INSIG1: variants seen among roughly 807,000 people sequenced by gnomAD.
INSIG1 encodes insulin-induced gene 1 protein.
INSIG1 carries 14 observed loss-of-function variants against 26.5 expected under a neutral mutation model. The ratio of observed to expected loss-of-function variants is 0.53; its 90% CI spans 0.35 to 0.83. The LOEUF (loss-of-function observed/expected upper bound fraction) is 0.83, where lower values mean the gene tolerates loss of function less well. Ranked by LOEUF, INSIG1 falls within the 40% of genes least tolerant of loss-of-function variation. The pLI is 0.01. For synonymous variants in INSIG1, 147 were observed against 153.3 expected (o/e 0.96, Z 0.30); for missense variants, 272 against 368.9 (o/e 0.74, Z 2.15).
At chr7:155,306,709 G>A (rs1183466607) in intron 5 of INSIG1, among the ~76,000 whole-genome samples, 3 of 152,234 alleles carry the variant, frequency 2.0e-5, no homozygotes. Context: ...AGGGGAAATT[G>A]CAGCTTAGGA....
chr7:155,308,087 G>C (rs572434009), intron 5 of INSIG1, among the ~76,000 whole-genome samples, 154 bp from the exon 6 acceptor site: 1 of 152,272 alleles, frequency 6.6e-6, no homozygotes, highest in Admixed American at 6.5e-5. Context: ...TCGGTCTCCA[G>C]TTCTCTGCAC....
At chr7:155,298,829 G>A in intron 2 of INSIG1, 132 bp downstream of exon 2, 1 of 977,856 alleles carries the variant, frequency 1.0e-6, no homozygotes, top group Non-Finnish European at 1.5e-6. Context: ...CTCCAGTCTT[G>A]GGATTTAGAG....
chr7:155,297,924 G>T lies in INSIG1; in HGVS notation c.-63G>T, dbSNP rs1229479156. ...TCCTCCTTTCCCCCGCCCCGCCTCC[G>T]TTCGGAGAGCCGGCGGGCGGGCGCC... On this transcript the variant is annotated 5_prime_UTR_variant, in exon 1 of 6. Coordinates refer to ENST00000340368, the MANE Select transcript of INSIG1 (RefSeq NM_005542.6). 1 of 174,452 alleles carries T rather than the reference G, an allele frequency of 5.7e-6. No individual in the cohort carries two copies. Among genetic ancestry groups the T allele is most frequent in the African/African-American group, 2.4e-5 (1 of 42,304 alleles). 10.8% of individuals were successfully genotyped at this position (174,452 alleles called of 1,614,324 possible). A position where few individuals can be genotyped will look rare whatever the true frequency, so the allele number is the denominator to read the frequency against.
At chr7:155,301,012 G>T (rs755110585) in intron 2 of INSIG1, among the ~76,000 whole-genome samples, 1 of 152,180 alleles carries the variant, frequency 6.6e-6, no homozygotes, top group Non-Finnish European at 1.5e-5. Context: ...TAGAACCCCC[G>T]AAAATCAACT....
At position 155,309,339 on chromosome 7, in the gene INSIG1, A is replaced by G. The variant is rs994655777; in HGVS notation, c.*1069A>G. On this transcript the variant is annotated 3_prime_UTR_variant, in exon 6 of 6. Coordinates refer to ENST00000340368, the MANE Select transcript of INSIG1 (RefSeq NM_005542.6). ...CCAATCTGAGCCTTGTATCTCTTAA[A>G]TATTTATTTTTTTTAACGTGTGAGA... The G allele has an allele frequency of 1.3e-5, 2 of 152,596 alleles. No homozygotes were observed. Among genetic ancestry groups the G allele is most frequent in the Non-Finnish European group, 1.5e-5 (1 of 68,034 alleles). The allele number at this position is 152,596 out of a possible 1,614,324, so 9.5% of individuals were successfully genotyped here.
In INSIG1 at chr7:155,298,380, C is replaced by G. The variant is rs764867200; in HGVS notation, c.95C>G (p.Ala32Gly). 188 of 1,535,726 alleles carry G rather than the reference C, an allele frequency of 1.2e-4. No homozygotes were observed. The highest frequency in any genetic ancestry group is 1.5e-4 in the Non-Finnish European group (175 of 1,145,812). The change falls in exon 2 of 6, where the codon GCC becomes GGC. Residue 32 changes from alanine (A) to glycine (G), a missense_variant. This residue lies in a region of INSIG1 where 161 missense variants were observed against 179.2 expected (regional missense o/e 0.90). Coordinates refer to ENST00000340368, the MANE Select transcript of INSIG1 (RefSeq NM_005542.6). ...CGAGCCAGCGCCGCGGGGCTGGCGG[C>G]CAAGGTTGGGGAGATGATCAACGTT... ...PPRASAAGLA[A>G]KVGEMINVSV...
chr7:155,300,054 T>C lies in INSIG1; in HGVS notation c.412+1357T>C, dbSNP rs181932926. 2.8e-3 allele frequency among the ~76,000 whole-genome samples: 428 copies of C among 152,308 alleles called. 1 individual carries two copies. Among genetic ancestry groups the C allele is most frequent in the African/African-American group, 9.8e-3 (407 of 41,560 alleles). ...CTCGGAGGGACGGGATCCTCTTTCG[T>C]TTTTCGAAACACTTTATGTGGCTGT... On this transcript the variant is annotated intron_variant, in intron 2 of 5. Transcript: ENST00000340368.
rs1383352682 is a variant in INSIG1 at position 155,302,386 on chromosome 7, A to G, written c.673A>G (p.Thr225Ala). ...CATAGCTTTTCTAGCTACGCTGATC[A>G]CGCAGTTTCTCGTGTATAATGGTGT... ...ITIAFLATLI[T>A]QFLVYNGVYQ... The change falls in exon 4 of 6, where the codon ACG becomes GCG. Residue 225 changes from threonine (T) to alanine (A), a missense_variant. Physicochemically the swap from Thr to Ala is moderately conservative, Grantham distance 58. Coordinates refer to ENST00000340368, the MANE Select transcript of INSIG1 (RefSeq NM_005542.6). The surrounding 1 kb of genome is among the most constrained non-coding windows in gnomAD (Gnocchi z 4.3). 1.2e-6 allele frequency: 2 copies of G among 1,608,768 alleles called. No homozygotes were observed. The highest frequency in any genetic ancestry group is 4.5e-5 in the East Asian group (2 of 44,674).
intron 2 of INSIG1, among the ~76,000 whole-genome samples, chr7:155,299,152 C>T (rs1265019719): frequency 6.6e-6 from 1 of 152,224 alleles, no homozygotes; most frequent in Non-Finnish European, 1.5e-5. Flanking sequence ...CACATGGGTT[C>T]AGGAGGCGGT....
Position 155,309,790 on chromosome 7 carries a change from T to TA in INSIG1, c.*1527dup, listed in dbSNP as rs778260451. On this transcript the variant is annotated 3_prime_UTR_variant, in exon 6 of 6. Coordinates refer to ENST00000340368, the MANE Select transcript of INSIG1 (RefSeq NM_005542.6). ...TTTGTTTTACAGGAATTTTGTTTTTTAAAAAAATAGGATCATTCTGAACTT... is the reference window on the plus strand; with the variant it reads ...TTTGTTTTACAGGAATTTTGTTTTTTAAAAAAAATAGGATCATTCTGAACTT... The TA allele has an allele frequency of 1.3e-5, 2 of 152,210 alleles. No individual in the cohort carries two copies. The highest frequency in any genetic ancestry group is 2.9e-5 in the Non-Finnish European group (2 of 68,038). The allele number at this position is 152,210 out of a possible 1,614,324, so 9.4% of individuals were successfully genotyped here. A position where few individuals can be genotyped will look rare whatever the true frequency, so the allele number is the denominator to read the frequency against.
rs1053239116 is a variant in INSIG1, at chr7:155,298,160, C to A, written c.-27-99C>A. 8.5e-6 allele frequency: 9 copies of A among 1,055,996 alleles called. No individual in the cohort carries two copies. The African/African-American group carries it at 1.2e-4, about 14-fold the overall frequency. 65.4% of individuals were successfully genotyped at this position (1,055,996 alleles called of 1,614,324 possible). On this transcript the variant is annotated intron_variant, in intron 1 of 5. Transcript: ENST00000340368. Reference sequence around the variant, plus strand: ...CGCACGGGGGTCTAACCTTGGGGGGCGGCGCTGCCGCCTGGCCCGGGTGCC... The same window carrying A: ...CGCACGGGGGTCTAACCTTGGGGGGAGGCGCTGCCGCCTGGCCCGGGTGCC...
chr7:155,302,269 A>G lies in INSIG1; in HGVS notation c.556A>G (p.Asn186Asp). The G allele has an allele frequency of 6.4e-7, 1 of 1,567,914 alleles. No individual in the cohort carries two copies. Among genetic ancestry groups the G allele is most frequent in the South Asian group, 1.2e-5 (1 of 83,004 alleles). The change falls in exon 4 of 6, where the codon AAT (asparagine) becomes GAT (aspartate). Residue 186 changes from asparagine to aspartate, a missense_variant. Around this residue, in one of 2 missense-constraint regions of INSIG1, gnomAD observed 111 missense variants for 189.8 expected, o/e 0.58. Coordinates refer to ENST00000340368, the MANE Select transcript of INSIG1 (RefSeq NM_005542.6). This position sits in a 1 kb window ranked among gnomAD's most constrained non-coding sequence, Gnocchi z 4.3. ...HASAKLDFAN[N>D]VQLSLTLAAL... ...TCACCAGAAATTGGATTTTGCCAAT[A>G]ATGTCCAGCTGTCCTTGACTTTAGC... is the stretch of plus-strand genomic sequence containing the variant.
At chr7:155,305,307 T>C (rs1797908884) in intron 5 of INSIG1, among the ~76,000 whole-genome samples, 1 of 152,156 alleles carries the variant, frequency 6.6e-6, no homozygotes, top group Non-Finnish European at 1.5e-5. Flanking sequence ...CAACTGTTAC[T>C]CTTTTTTTCA....
In INSIG1 at chr7:155,310,089, T is replaced by TTGAG. The variant is rs1212688111; in HGVS notation, c.*1821_*1824dup. ...TAGAAAATATATGAACCAAAGTGAT[T>TTGAG]TGAGTTTGTAAAAATGTAAAATAGT... On this transcript the variant is annotated 3_prime_UTR_variant, in exon 6 of 6. Coordinates refer to ENST00000340368, the MANE Select transcript of INSIG1 (RefSeq NM_005542.6). The TTGAG allele has an allele frequency of 1.3e-5, 2 of 152,666 alleles. No homozygotes were observed. Among genetic ancestry groups the TTGAG allele is most frequent in the Non-Finnish European group, 2.9e-5 (2 of 68,044 alleles). The allele number at this position is 152,666 out of a possible 1,614,324, so 9.5% of individuals were successfully genotyped here.
rs760923827 is a variant in INSIG1, at chr7:155,298,353, C to T, written c.68C>T (p.Pro23Leu). The change falls in exon 2 of 6, where the codon CCG (proline) becomes CTG (leucine). Residue 23 changes from proline (P) to leucine (L), a missense_variant. By Grantham distance (98) the Pro-to-Leu change is moderately conservative. Around this residue, in one of 2 missense-constraint regions of INSIG1, gnomAD observed 161 missense variants for 179.2 expected, o/e 0.90. Transcript: ENST00000340368. Reference sequence around the variant, plus strand: ...CACAGCGCGAGGCGCCGAGGCCCCCCGCGAGCCAGCGCCGCGGGGCTGGCG... The same window carrying T: ...CACAGCGCGAGGCGCCGAGGCCCCCTGCGAGCCAGCGCCGCGGGGCTGGCG... ...CAHSARRRGPPRASAAGLAAK... is the reference protein window; with the variant it reads ...CAHSARRRGPLRASAAGLAAK... 4 of 1,510,912 alleles carry T rather than the reference C, an allele frequency of 2.6e-6. No individual in the cohort carries two copies. The highest frequency in any genetic ancestry group is 3.5e-6 in the Non-Finnish European group (4 of 1,138,242). The allele number at this position is 1,510,912 out of a possible 1,614,324, so 93.6% of individuals were successfully genotyped here.
At chr7:155,298,887 G>A (rs1797709064) in intron 2 of INSIG1, among the ~76,000 whole-genome samples, 190 bp downstream of exon 2, 1 of 152,232 alleles carries the variant, frequency 6.6e-6, no homozygotes, top group Non-Finnish European at 1.5e-5. Flanking sequence ...GGGCGGGTTC[G>A]GGCCACAGCT....
At chr7:155,304,997 A>AAT (rs1236778438) in intron 5 of INSIG1, among the ~76,000 whole-genome samples, 8 of 150,656 alleles carry the variant, frequency 5.3e-5, no homozygotes, top group African/African-American at 1.5e-4. Flanking sequence ...AAAAAAAAAA[A>AAT]TAGCCAGGCG....
At chr7:155,304,960 AC>A (rs1471966470) in intron 5 of INSIG1, among the ~76,000 whole-genome samples, 2 of 129,952 alleles carry the variant, frequency 1.5e-5, no homozygotes, top group African/African-American at 6.1e-5. Context: ...ACACAGTGAA[AC>A]CCCGTCTGTA....
At chr7:155,298,036 GCGCGGGCCCTGTTGGGTCTTTGGGA>G in intron 1 of INSIG1, 77 bp downstream of exon 1, 1 of 364,546 alleles carries the variant, frequency 2.7e-6, no homozygotes, top group Non-Finnish European at 4.9e-6. Context: ...AGGTAGGCGG[GCGCGGGCCCTGTTGGGTCTTTGGGA>G]CGCGGGTCCC....
Sources: gnomAD v4.1 joint callset for allele counts (sites outside exome capture counted in the v4.1 genomes callset) on GRCh38, gnomAD v4.1.1 for gene constraint, gnomAD v4.1.1 regional missense constraint, Gnocchi (gnomAD v3.1) non-coding constraint, MANE v1.5 for transcripts, NCBI Gene and HGNC (gene_info 2026-07-23, HGNC 2026-07-21) for gene names.